TRERF1: variants seen among roughly 807,000 people sequenced by gnomAD.
TRERF1 encodes transcriptional-regulating factor 1.
A neutral mutation model predicts 122.9 loss-of-function variants in TRERF1; 27 were observed. That is an observed-to-expected ratio of 0.22 (90% CI 0.16 to 0.30). The LOEUF (loss-of-function observed/expected upper bound fraction) is 0.30. Among genes scored for constraint, TRERF1 ranks in the 10% least tolerant of loss-of-function variants. The pLI is 1.00. For missense variants in TRERF1, 1,248 were observed against 1,560.3 expected, an observed-to-expected ratio of 0.80 and a Z score of 3.37; for synonymous variants, 636 against 641.7, an observed-to-expected ratio of 0.99 and a Z score of 0.13.
chr6:42,398,144 A>T (rs1287308163), intron 2 of TRERF1, among the ~76,000 whole-genome samples: 1 of 152,248 alleles, frequency 6.6e-6, no homozygotes. Flanking sequence ...CAGCTCCAGC[A>T]CTTGCTAGCT....
intron 2 of TRERF1, among the ~76,000 whole-genome samples, chr6:42,408,342 C>CGT (rs1215447691): frequency 6.2e-4 from 63 of 101,804 alleles, no homozygotes; most frequent in East Asian, 2.8e-3. Flanking sequence ...TATACATACA[C>CGT]GTGTGTGTGT....
At chr6:42,264,817 C>G (rs761965190) in exon 7 of TRERF1, 2 of 1,614,070 alleles carry the variant, frequency 1.2e-6, no homozygotes, top group Non-Finnish European at 1.7e-6. Flanking sequence ...TTGTTCTTGG[C>G]ATCAAACTGC....
chr6:42,270,768 CTT>C (rs1175342905), intron 4 of TRERF1, among the ~76,000 whole-genome samples: 168 of 119,596 alleles, frequency 1.4e-3, no homozygotes, highest in African/African-American at 4.7e-3. Context: ...GACCTCATCT[CTT>C]TTTTTTTTTT....
chr6:42,444,886 G>A (rs574094429), intron 2 of TRERF1, among the ~76,000 whole-genome samples: 3 of 152,150 alleles, frequency 2.0e-5, no homozygotes, highest in South Asian at 2.1e-4. Context: ...CCTCCCTCAC[G>A]ATCCCCTCCC....
intron 1 of TRERF1, chr6:42,451,903 T>C (rs1788619998): frequency 1.3e-5 from 2 of 152,522 alleles, no homozygotes; most frequent in Non-Finnish European, 2.9e-5. Context: ...ATGCACCGCC[T>C]CTCAGCCATC....
intron 2 of TRERF1, among the ~76,000 whole-genome samples, chr6:42,443,825 G>A (rs1786976200): frequency 1.3e-5 from 2 of 152,182 alleles, no homozygotes; most frequent in Non-Finnish European, 2.9e-5. Context: ...ATGTTTCGCT[G>A]GCTGTCAGAT....
intron 13 of TRERF1, 85 bp from the exon 14 acceptor site, chr6:42,246,629 A>C: frequency 1.1e-6 from 1 of 941,072 alleles, no homozygotes; most frequent in Admixed American, 2.4e-5. Flanking sequence ...GTTACAAAAT[A>C]CAACTACAGA....
intron 2 of TRERF1, among the ~76,000 whole-genome samples, chr6:42,398,308 G>A (rs1778914260): frequency 6.6e-6 from 1 of 152,198 alleles, no homozygotes; most frequent in African/African-American, 2.4e-5. Flanking sequence ...TATAGGGCAT[G>A]TACCATTTAA....
intron 12 of TRERF1, among the ~76,000 whole-genome samples, 155 bp downstream of exon 12, chr6:42,256,573 C>T (rs1257566690): frequency 2.0e-5 from 3 of 149,076 alleles, no homozygotes; most frequent in African/African-American, 7.4e-5. Flanking sequence ...AACATCCTGA[C>T]CTACCCACCG....
In TRERF1 at chr6:42,269,673, A is replaced by T; in HGVS notation, c.-83T>A. 1 of 1,496,342 alleles carries T rather than the reference A, an allele frequency of 6.7e-7. No homozygotes were observed. The highest frequency in any genetic ancestry group is 8.9e-7 in the Non-Finnish European group (1 of 1,125,558). 92.7% of individuals were successfully genotyped at this position (1,496,342 alleles called of 1,614,324 possible). ...CAAACCCAAAAGGACTGAAACCCTG[A>T]GAAGCTGAGAGAAAAGTGTCAGCAC... On this transcript the variant is annotated 5_prime_UTR_variant, in exon 5 of 18. Transcript: ENST00000372922. The surrounding 1 kb of genome is among the most constrained non-coding windows in gnomAD (Gnocchi z 4.9).
chr6:42,334,555 C>G (rs1315309617), intron 3 of TRERF1, among the ~76,000 whole-genome samples: 1 of 152,208 alleles, frequency 6.6e-6, no homozygotes, highest in Non-Finnish European at 1.5e-5. Flanking sequence ...AGCAAATCCT[C>G]TATCTAGGCC....
chr6:42,255,897 G>A (rs13191799), intron 12 of TRERF1, among the ~76,000 whole-genome samples: 84,045 of 151,764 alleles, frequency 0.55, 24,619 homozygotes, highest in African/African-American at 0.75. Context: ...TTGGGAGGCC[G>A]AGGTGGGAGG....
rs116391181 is a variant in TRERF1 at position 42,382,644 on chromosome 6, T to C, written c.-453-19565A>G. On this transcript the variant is annotated intron_variant, in intron 2 of 17. Coordinates refer to ENST00000372922, the Ensembl canonical transcript of TRERF1. ...CAAATCAGTGAGTCCCACTGTGCCA[T>C]AAAAGAGTGTCCAAAATGTCTGAAA... Among the ~76,000 whole-genome samples the C allele has an allele frequency of 5.4e-3, 815 of 152,222 alleles. 7 individuals are homozygous for C. The highest frequency in any genetic ancestry group is 0.018 in the African/African-American group (744 of 41,502).
At chr6:42,416,894 T>C (rs12661944) in intron 2 of TRERF1, among the ~76,000 whole-genome samples, 2,163 of 152,310 alleles carry the variant, frequency 0.014, 59 homozygotes, top group East Asian at 0.11. Flanking sequence ...TCTGGGTTTT[T>C]TGTGTGTGTT....
chr6:42,284,539 C>A (rs1782853898), intron 4 of TRERF1, among the ~76,000 whole-genome samples: 1 of 152,234 alleles, frequency 6.6e-6, no homozygotes, highest in South Asian at 2.1e-4. Flanking sequence ...AATAGCACTT[C>A]TCTTTCTTTT....
intron 2 of TRERF1, among the ~76,000 whole-genome samples, chr6:42,418,914 C>T (rs1343441388): frequency 1.3e-5 from 2 of 152,156 alleles, no homozygotes; most frequent in Admixed American, 6.5e-5. Flanking sequence ...AGTACTGATG[C>T]CACTAATCAA....
chr6:42,449,803 C>G (rs1788147867), intron 2 of TRERF1, among the ~76,000 whole-genome samples: 1 of 152,178 alleles, frequency 6.6e-6, no homozygotes, highest in Non-Finnish European at 1.5e-5. Flanking sequence ...AATCTGACGA[C>G]AGTTAGGAAA....
At chr6:42,376,614 C>A (rs1292449441) in intron 2 of TRERF1, among the ~76,000 whole-genome samples, 1 of 145,026 alleles carries the variant, frequency 6.9e-6, no homozygotes, top group African/African-American at 2.6e-5. Flanking sequence ...GTGATCTCAG[C>A]TCACTGCAAC....
chr6:42,327,001 A>C (rs1764397597), intron 3 of TRERF1, among the ~76,000 whole-genome samples: 1 of 152,218 alleles, frequency 6.6e-6, no homozygotes, highest in Non-Finnish European at 1.5e-5. Context: ...TTCTAGCAGC[A>C]GGCCAAAAAA....
Sources: gnomAD v4.1 joint callset for allele counts (sites outside exome capture counted in the v4.1 genomes callset) on GRCh38, gnomAD v4.1.1 for gene constraint, Gnocchi (gnomAD v3.1) non-coding constraint, MANE v1.5 for transcripts, NCBI Gene and HGNC (gene_info 2026-07-23, HGNC 2026-07-21) for gene names.